The following RALGAPA2 variants were observed in gnomAD, a reference collection of about 807,000 sequenced individuals.
RALGAPA2 encodes Ral GTPase activating protein catalytic subunit alpha 2.
Under a neutral mutation model 230.4 loss-of-function variants are expected in RALGAPA2, and 139 were observed. The ratio of observed to expected loss-of-function variants is 0.60; its 90% CI spans 0.53 to 0.69. The LOEUF (loss-of-function observed/expected upper bound fraction) is 0.69. RALGAPA2 is among the 30% of genes least tolerant of loss of function. The pLI is 0.00. For missense variants in RALGAPA2, 2,163 were observed against 2,276.0 expected, an observed-to-expected ratio of 0.95 and a Z score of 1.01; for synonymous variants, 847 against 837.8, an observed-to-expected ratio of 1.01 and a Z score of -0.19.
intron 37 of RALGAPA2, among the ~76,000 whole-genome samples, chr20:20,454,170 C>T (rs1025281944): frequency 6.6e-6 from 1 of 152,128 alleles, no homozygotes; most frequent in South Asian, 2.1e-4. Flanking sequence ...ATGCAGTGGC[C>T]TGTGAGGTGC....
chr20:20,575,639 G>T (rs2064795773), intron 20 of RALGAPA2, among the ~76,000 whole-genome samples: 1 of 152,040 alleles, frequency 6.6e-6, no homozygotes, highest in Admixed American at 6.6e-5. Flanking sequence ...CCTGTTTTTA[G>T]CCCCATCATC....
intron 1 of RALGAPA2, among the ~76,000 whole-genome samples, chr20:20,690,903 C>A (rs899572224): frequency 6.6e-6 from 1 of 152,136 alleles, no homozygotes; most frequent in Admixed American, 6.6e-5. Flanking sequence ...TTCCCACATC[C>A]CAAGACACTC....
In RALGAPA2 at chr20:20,620,469, G is replaced by GCT; in HGVS notation, c.1393_1394dup (p.Ser465ArgfsTer28). 1 of 1,613,112 alleles carries GCT rather than the reference G, an allele frequency of 6.2e-7. No individual in the cohort carries two copies. Among genetic ancestry groups the GCT allele is most frequent in the Non-Finnish European group, 8.5e-7 (1 of 1,179,600 alleles). ...GACAAGTGAAAAAAATTACCTCCTT[G>GCT]CTATCAGTCTCGGAAAATCCTAATT... On this transcript the variant is annotated frameshift_variant, in exon 11 of 40. Transcript: ENST00000202677. LOFTEE classifies it high-confidence loss of function.
At chr20:20,678,444 C>G (rs1222798080) in intron 2 of RALGAPA2, among the ~76,000 whole-genome samples, 2 of 152,148 alleles carry the variant, frequency 1.3e-5, no homozygotes, top group African/African-American at 4.8e-5. Context: ...TCTACAGGAG[C>G]AATCAGGGCA....
At chr20:20,646,641 G>A (rs2067225482) in intron 4 of RALGAPA2, among the ~76,000 whole-genome samples, 1 of 152,184 alleles carries the variant, frequency 6.6e-6, no homozygotes, top group South Asian at 2.1e-4. Flanking sequence ...TACTTTTGAA[G>A]AGGCAGTAAA....
intron 35 of RALGAPA2, among the ~76,000 whole-genome samples, chr20:20,495,539 A>C (rs892383686): frequency 2.0e-5 from 3 of 152,222 alleles, no homozygotes; most frequent in African/African-American, 7.2e-5. Flanking sequence ...GGCCTTTGTA[A>C]GAATTTATTT....
At chr20:20,652,345 G>C (rs1603202774) in intron 4 of RALGAPA2, among the ~76,000 whole-genome samples, 1 of 152,060 alleles carries the variant, frequency 6.6e-6, no homozygotes, top group South Asian at 2.1e-4. Context: ...TACCTCTCTT[G>C]AAGCCTTCCT....
intron 9 of RALGAPA2, among the ~76,000 whole-genome samples, chr20:20,631,583 G>A (rs896485816): frequency 2.6e-5 from 4 of 152,344 alleles, no homozygotes; most frequent in African/African-American, 9.6e-5. Context: ...GCTTCTAGAA[G>A]CTGGACATGG....
chr20:20,446,327 G>T (rs1237145022), intron 37 of RALGAPA2, among the ~76,000 whole-genome samples: 2 of 152,106 alleles, frequency 1.3e-5, no homozygotes, highest in Non-Finnish European at 2.9e-5. Context: ...ATTATAAATT[G>T]GTTAAACACA....
At chr20:20,481,798 T>C (rs973265925) in intron 36 of RALGAPA2, among the ~76,000 whole-genome samples, 16 of 152,206 alleles carry the variant, frequency 1.1e-4, no homozygotes, top group African/African-American at 3.6e-4. Flanking sequence ...TACTCTTGGA[T>C]AAATTCTTTA....
chr20:20,681,274 TG>T (rs1344243691), intron 1 of RALGAPA2, among the ~76,000 whole-genome samples: 1 of 152,172 alleles, frequency 6.6e-6, no homozygotes, highest in Non-Finnish European at 1.5e-5. Flanking sequence ...CATAACTCTC[TG>T]GGCATGAAAA....
chr20:20,664,920 A>C (rs2067909337), intron 3 of RALGAPA2, among the ~76,000 whole-genome samples: 1 of 152,118 alleles, frequency 6.6e-6, no homozygotes, highest in African/African-American at 2.4e-5. Context: ...AGGAAAAGCC[A>C]GTGCACAAAG....
At chr20:20,677,628 C>CTTTTTTTTTTT (rs1568741580) in intron 2 of RALGAPA2, among the ~76,000 whole-genome samples, 1 of 121,840 alleles carries the variant, frequency 8.2e-6, no homozygotes, top group Non-Finnish European at 1.7e-5. Flanking sequence ...TGATTTGACC[C>CTTTTTTTTTTT]ATTTTTTTTT....
intron 33 of RALGAPA2, 40 bp downstream of exon 33, chr20:20,511,212 AAG>A: frequency 6.5e-7 from 1 of 1,548,842 alleles, no homozygotes; most frequent in East Asian, 2.4e-5. Context: ...AGAATACCCA[AAG>A]ACAAACAGGA....
At position 20,437,596 on chromosome 20, in the gene RALGAPA2, C is replaced by T. The variant is rs1181469246; in HGVS notation, c.5496-25448G>A. Among the ~76,000 whole-genome samples, 1 of 152,196 alleles carries T rather than the reference C, an allele frequency of 6.6e-6. No individual in the cohort carries two copies. The highest frequency in any genetic ancestry group is 1.5e-5 in the Non-Finnish European group (1 of 68,032). The stretch of plus-strand genomic sequence containing the variant: ...GAGCCCTTCCCACACTTCACACACA[C>T]GATGTGTGTGTGCTGTGCCCTCTGC... On this transcript the variant is annotated intron_variant, in intron 37 of 39. Transcript: ENST00000202677. The surrounding 1 kb of genome is among the most constrained non-coding windows in gnomAD (Gnocchi z 4.1).
At chr20:20,605,567 G>A (rs564726489) in intron 14 of RALGAPA2, among the ~76,000 whole-genome samples, 155 bp from the exon 15 acceptor site, 1 of 152,134 alleles carries the variant, frequency 6.6e-6, no homozygotes, top group South Asian at 2.1e-4. Flanking sequence ...AAATTCATTT[G>A]ACCAACTATA....
chr20:20,502,319 C>T (rs1184810428), intron 35 of RALGAPA2, among the ~76,000 whole-genome samples: 2 of 152,150 alleles, frequency 1.3e-5, no homozygotes, highest in South Asian at 2.1e-4. Flanking sequence ...TGAGGCCAAT[C>T]GGCCAATATA....
intron 28 of RALGAPA2, 48 bp downstream of exon 28, chr20:20,526,204 G>A: frequency 7.6e-7 from 1 of 1,311,476 alleles, no homozygotes; most frequent in Non-Finnish European, 1.1e-6. Flanking sequence ...ATCAAATACA[G>A]TAAAAAGGAA....
rs539003051 is a variant in RALGAPA2, at chr20:20,444,741, T to A, written c.5495+28088A>T. Among the ~76,000 whole-genome samples the A allele has an allele frequency of 2.6e-5, 4 of 152,342 alleles. No homozygotes were observed. In the South Asian group the frequency reaches 8.3e-4, roughly 32 times the overall value. ...TCTATAGTCTCACCAACACTTGGTA[T>A]TTTTCACATTAATTTTAATACAGTA... On this transcript the variant is annotated intron_variant, in intron 37 of 39. Coordinates refer to ENST00000202677, the MANE Select transcript of RALGAPA2 (RefSeq NM_020343.4).
Sources: allele counts gnomAD v4.1 joint callset (sites outside exome capture counted in the v4.1 genomes callset), GRCh38; gene constraint gnomAD v4.1.1; non-coding constraint Gnocchi (gnomAD v3.1); transcripts MANE v1.5; gene names NCBI Gene and HGNC (gene_info 2026-07-23, HGNC 2026-07-21).